ITGA10: variants seen among roughly 807,000 people sequenced by gnomAD.
ITGA10 encodes integrin alpha-10.
Under a neutral mutation model 145.2 loss-of-function variants are expected in ITGA10, and 105 were observed. That is an observed-to-expected ratio of 0.72 (90% CI 0.62 to 0.85). The LOEUF is 0.85. Ranked by LOEUF, ITGA10 falls within the 40% of genes least tolerant of loss-of-function variation. ITGA10 has a pLI of 0.00. For synonymous variants in ITGA10, 506 were observed against 557.8 expected, an observed-to-expected ratio of 0.91 and a Z score of 1.31; for missense variants, 1,317 against 1,444.5, an observed-to-expected ratio of 0.91 and a Z score of 1.43.
At chr1:145,895,865 A>G (rs1655319970) in intron 25 of ITGA10, 118 bp downstream of exon 25, 1 of 1,028,438 alleles carries the variant, frequency 9.7e-7, no homozygotes, top group East Asian at 2.4e-5. Flanking sequence ...AAAGCCCCCC[A>G]GAGAGAAGAG....
At chr1:145,898,029 T>C (rs1467526880) in intron 18 of ITGA10, 81 bp downstream of exon 18, 13 of 1,296,482 alleles carry the variant, frequency 1.0e-5, no homozygotes, top group Non-Finnish European at 1.5e-5. Flanking sequence ...TTCACCATGA[T>C]CTCATGTCTT....
chr1:145,892,560 G>C lies in ITGA10; in HGVS notation c.*238C>G. 1 of 424,566 alleles carries C rather than the reference G, an allele frequency of 2.4e-6. No homozygotes were observed. The highest frequency in any genetic ancestry group is 3.9e-5 in the Admixed American group (1 of 25,542). The allele number at this position is 424,566 out of a possible 1,614,324, so 26.3% of individuals were successfully genotyped here. ...TTGGCTATGGAACCAGGATCACGAG[G>C]AGGAGGGAAGCAGAGGGTGGGAGCA... On this transcript the variant is annotated 3_prime_UTR_variant, in exon 30 of 30. Coordinates refer to ENST00000369304, the MANE Select transcript of ITGA10 (RefSeq NM_003637.5).
rs369985596 is a variant in ITGA10 at position 145,901,949 on chromosome 1, G to T, written c.1222C>A (p.Arg408Ser). Residue 408 changes from arginine to serine, a missense_variant, in exon 11 of 30, where the codon CGC becomes AGC. Physicochemically the swap from Arg to Ser is moderately radical, Grantham distance 110. Coordinates refer to ENST00000369304, the MANE Select transcript of ITGA10 (RefSeq NM_003637.5). The surrounding 1 kb of genome is among the most constrained non-coding windows in gnomAD (Gnocchi z 4.3). ...GSVLWLEGGH[R>S]LFPPRMALED... ...AGTGCCATTCGTGGGGGGAAAAGGC[G>T]GTGGCCTCCTTCAAGCCATAGCACA... 2 of 1,613,996 alleles carry T rather than the reference G, an allele frequency of 1.2e-6. No individual in the cohort carries two copies. Among genetic ancestry groups the T allele is most frequent in the Admixed American group, 1.7e-5 (1 of 59,998 alleles).
In ITGA10 at chr1:145,899,404, C is replaced by G. The variant is rs199826313; in HGVS notation, c.1923-63G>C. 8.1e-4 allele frequency: 1,254 copies of G among 1,549,704 alleles called. 2 individuals carry two copies. Among genetic ancestry groups the G allele is most frequent in the Non-Finnish European group, 1.0e-3 (1,138 of 1,138,674 alleles). On this transcript the variant is annotated intron_variant, in intron 15 of 29. Coordinates refer to ENST00000369304, the MANE Select transcript of ITGA10 (RefSeq NM_003637.5). ...GGTAAGCCCTCTGAGAAGTGCAAGC[C>G]CAGTGTTTGCTTCCCCATGGTCAAA...
intron 1 of ITGA10, among the ~76,000 whole-genome samples, 185 bp downstream of exon 1, chr1:145,909,778 T>C (rs1657652917): frequency 6.7e-6 from 1 of 150,240 alleles, no homozygotes; most frequent in Non-Finnish European, 1.5e-5. Flanking sequence ...CCAGTCTCAA[T>C]ATTCAAACAG....
Position 145,897,236 on chromosome 1 carries a change from C to A in ITGA10, c.2667+11G>T. ...CCTAGAGCCCTCTTTTCATCCTAGA[C>A]CCCAACCCACCTTGGCTCCAGTCTG... On this transcript the variant is annotated intron_variant, in intron 21 of 29. Coordinates refer to ENST00000369304, the MANE Select transcript of ITGA10 (RefSeq NM_003637.5). 1 of 1,613,730 alleles carries A rather than the reference C, an allele frequency of 6.2e-7. No individual in the cohort carries two copies. The highest frequency in any genetic ancestry group is 2.2e-5 in the East Asian group (1 of 44,868).
intron 5 of ITGA10, 104 bp from the exon 6 acceptor site, chr1:145,904,915 C>G (rs1656911809): frequency 8.2e-7 from 1 of 1,216,714 alleles, no homozygotes. Flanking sequence ...TAAGGCACTT[C>G]TTACATGCAA....
intron 5 of ITGA10, 112 bp from the exon 6 acceptor site, chr1:145,904,923 C>T: frequency 1.8e-6 from 2 of 1,099,508 alleles, no homozygotes; most frequent in Non-Finnish European, 2.7e-6. Context: ...TTCTTACATG[C>T]AAAGAAGGTA....
rs782238620 is a variant in ITGA10 at position 145,903,651 on chromosome 1, CT to C, written c.758+400del. On this transcript the variant is annotated intron_variant, in intron 7 of 29. Coordinates refer to ENST00000369304, the MANE Select transcript of ITGA10 (RefSeq NM_003637.5). ...ACCTGCCCTAACTCTTCTTCTTCTT[CT>C]TTTTTTTTTTTTAAGGGAAAGATTT... 7.0e-3 allele frequency among the ~76,000 whole-genome samples: 991 copies of C among 140,968 alleles called. 3 individuals carry two copies. The highest frequency in any genetic ancestry group is 9.6e-3 in the African/African-American group (371 of 38,614). 92.5% of individuals were successfully genotyped at this position (140,968 alleles called of 152,430 possible).
intron 14 of ITGA10, among the ~76,000 whole-genome samples, chr1:145,900,519 T>C (rs587670057): frequency 3.9e-5 from 6 of 152,194 alleles, no homozygotes; most frequent in Admixed American, 1.3e-4. Flanking sequence ...TGCCTCAGCC[T>C]TCCAAAGTGC....
intron 14 of ITGA10, 84 bp downstream of exon 14, chr1:145,900,706 C>T (rs1656164898): frequency 7.0e-7 from 1 of 1,429,090 alleles, no homozygotes; most frequent in Non-Finnish European, 9.8e-7. Flanking sequence ...GGGTCTCAAG[C>T]CAAGGAGACT....
chr1:145,900,235 T>G (rs1570875564), intron 14 of ITGA10, 48 bp from the exon 15 acceptor site: 1 of 1,543,428 alleles, frequency 6.5e-7, no homozygotes, highest in East Asian at 2.3e-5. Context: ...TACACCTAGT[T>G]TCTCAGGCCT....
At position 145,898,823 on chromosome 1, in the gene ITGA10, T is replaced by C. The variant is rs1414374608; in HGVS notation, c.2232+113A>G. On this transcript the variant is annotated intron_variant, in intron 17 of 29. Transcript: ENST00000369304. ...AGCCCTGACTCCAAAGTCTGAATCA[T>C]CTCATTTTCCCGGCTTTGGCTTTCT... is the stretch of plus-strand genomic sequence containing the variant. The C allele has an allele frequency of 3.1e-6, 4 of 1,291,874 alleles. No individual in the cohort carries two copies. The African/African-American group carries it at 4.4e-5, about 14-fold the overall frequency. 80.0% of individuals were successfully genotyped at this position (1,291,874 alleles called of 1,614,324 possible).
In ITGA10 at chr1:145,907,372, A is replaced by G. The variant is rs1553751688; in HGVS notation, c.146T>C (p.Val49Ala). 1 of 1,614,078 alleles carries G rather than the reference A, an allele frequency of 6.2e-7. No homozygotes were observed. The highest frequency in any genetic ancestry group is 8.5e-7 in the Non-Finnish European group (1 of 1,180,010). ...AEFGYSVLQH[V>A]GGGQRWMLVG... ...TCCTCACCATCGCTGTCCACCCCCA[A>G]CATGTTGTAAGACACTGTATCCAAA... The change falls in exon 2 of 30, where the codon GTT becomes GCT. Residue 49 changes from valine to alanine, a missense_variant. Coordinates refer to ENST00000369304, the MANE Select transcript of ITGA10 (RefSeq NM_003637.5).
chr1:145,900,714 A>T, intron 14 of ITGA10, 76 bp downstream of exon 14: 1 of 1,459,452 alleles, frequency 6.9e-7, no homozygotes, highest in Non-Finnish European at 9.6e-7. Context: ...AGCCAAGGAG[A>T]CTATTGACAA....
At position 145,898,144 on chromosome 1, in the gene ITGA10, A is replaced by C. The variant is rs1553746059; in HGVS notation, c.2312T>G (p.Leu771Arg). Reference sequence around the variant, plus strand: ...TATAGAGGTGGGTGAGCCCTCATTCAGCACAGGCCCTGGCTTTGTAGTATT... The same window carrying C: ...TATAGAGGTGGGTGAGCCCTCATTCCGCACAGGCCCTGGCTTTGTAGTATT... ...LDNTTKPGPV[L>R]NEGSPTSIQK... The change falls in exon 18 of 30, where the codon CTG becomes CGG. Residue 771 changes from leucine to arginine, a missense_variant. Physicochemically the swap from Leu to Arg is moderately radical, Grantham distance 102. Coordinates refer to ENST00000369304, the MANE Select transcript of ITGA10 (RefSeq NM_003637.5). The C allele has an allele frequency of 1.2e-6, 2 of 1,613,996 alleles. No homozygotes were observed. The highest frequency in any genetic ancestry group is 2.7e-5 in the African/African-American group (2 of 74,914).
chr1:145,895,083 C>T (rs1655193892), intron 27 of ITGA10, among the ~76,000 whole-genome samples, 197 bp downstream of exon 27: 1 of 152,060 alleles, frequency 6.6e-6, no homozygotes, highest in South Asian at 2.1e-4. Context: ...TTATAACAAC[C>T]CCATGAAATT....
chr1:145,902,200 T>A (rs1553749049), intron 10 of ITGA10, 46 bp downstream of exon 10: 2 of 1,600,732 alleles, frequency 1.2e-6, no homozygotes, highest in Admixed American at 3.3e-5. Flanking sequence ...TGAAGTTATC[T>A]GAGTCAGAGA....
At position 145,902,156 on chromosome 1, in the gene ITGA10, C is replaced by CTGGTTAAAGG. The variant is rs1553749038; in HGVS notation, c.1149+80_1149+89dup. On this transcript the variant is annotated intron_variant, in intron 10 of 29. Coordinates refer to ENST00000369304, the MANE Select transcript of ITGA10 (RefSeq NM_003637.5). Reference sequence around the variant, plus strand: ...AGGCATGGGAAGGTGAGCATGGAGGCTGGTTAAAGGAGGAATCTGGAGGGC... The same window carrying CTGGTTAAAGG: ...AGGCATGGGAAGGTGAGCATGGAGGCTGGTTAAAGGTGGTTAAAGGAGGAATCTGGAGGGC... 16 of 1,565,630 alleles carry CTGGTTAAAGG rather than the reference C, an allele frequency of 1.0e-5. No individual in the cohort carries two copies. The Admixed American group carries it at 2.5e-4, about 25-fold the overall frequency.
Sources: gnomAD v4.1 joint callset for allele counts (sites outside exome capture counted in the v4.1 genomes callset) on GRCh38, gnomAD v4.1.1 for gene constraint, Gnocchi (gnomAD v3.1) non-coding constraint, MANE v1.5 for transcripts, NCBI Gene and HGNC (gene_info 2026-07-23, HGNC 2026-07-21) for gene names.